The following SLC7A14 variants were observed in gnomAD, a reference collection of about 807,000 sequenced individuals.
SLC7A14 encodes gamma-aminobutyric acid transporter SLC7A14.
In SLC7A14, 37 loss-of-function variants were observed where a neutral mutation model predicts 60.2. The ratio of observed to expected loss-of-function variants is 0.61; its 90% CI spans 0.47 to 0.81. The LOEUF (loss-of-function observed/expected upper bound fraction) is 0.81. Among genes scored for constraint, SLC7A14 ranks in the 30% least tolerant of loss-of-function variants. SLC7A14 has a pLI of 0.00. For synonymous variants in SLC7A14, 399 were observed against 395.8 expected (o/e 1.01, Z -0.10); for missense variants, 886 against 982.7 (o/e 0.90, Z 1.32).
chr3:170,510,073 C>T (rs1712920174), intron 2 of SLC7A14, among the ~76,000 whole-genome samples: 1 of 105,926 alleles, frequency 9.4e-6, no homozygotes. Context: ...AAAACTCTGT[C>T]TCAAAAAAAA....
intron 1 of SLC7A14, among the ~76,000 whole-genome samples, chr3:170,541,216 A>G (rs991029514): frequency 6.6e-6 from 1 of 152,262 alleles, no homozygotes; most frequent in Admixed American, 6.5e-5. Flanking sequence ...GAGACAACCT[A>G]CATTTCTCAA....
At chr3:170,483,628 A>G in intron 5 of SLC7A14, 106 bp from the exon 6 acceptor site, 1 of 1,236,520 alleles carries the variant, frequency 8.1e-7, no homozygotes, top group Non-Finnish European at 1.2e-6. Context: ...AGAGGCTTGC[A>G]TGGCAGTTTG....
At position 170,462,868 on chromosome 3, in the gene SLC7A14, G is replaced by A. The variant is rs1043493216; in HGVS notation, c.*4187C>T. ...AACTTTAAAGTGGCTGTTAAATTGT[G>A]TTGCTTGTCCACGTATTAAATGGCT... On this transcript the variant is annotated 3_prime_UTR_variant, in exon 8 of 8. Coordinates refer to ENST00000231706, the MANE Select transcript of SLC7A14 (RefSeq NM_020949.3). 6.6e-6 allele frequency: 1 copy of A among 152,198 alleles called. No individual in the cohort carries two copies. The highest frequency in any genetic ancestry group is 1.5e-5 in the Non-Finnish European group (1 of 68,036). The allele number at this position is 152,198 out of a possible 1,614,324, so 9.4% of individuals were successfully genotyped here.
chr3:170,472,645 T>A (rs1426034563), intron 7 of SLC7A14, among the ~76,000 whole-genome samples: 1 of 150,610 alleles, frequency 6.6e-6, no homozygotes, highest in East Asian at 2.0e-4. Flanking sequence ...TGGGCACCTG[T>A]AGTCCCAGCT....
intron 7 of SLC7A14, among the ~76,000 whole-genome samples, chr3:170,477,362 T>C (rs1667022279): frequency 1.3e-5 from 2 of 152,242 alleles, no homozygotes; most frequent in Admixed American, 6.5e-5. Context: ...ATTTTTAGTA[T>C]ATAACCATTT....
At chr3:170,474,235 C>A (rs1711543238) in intron 7 of SLC7A14, among the ~76,000 whole-genome samples, 1 of 152,186 alleles carries the variant, frequency 6.6e-6, no homozygotes. Flanking sequence ...GGCAAACATC[C>A]CCTCTGTTGT....
chr3:170,557,953 G>C (rs1714534273), intron 1 of SLC7A14, among the ~76,000 whole-genome samples: 1 of 152,160 alleles, frequency 6.6e-6, no homozygotes, highest in Admixed American at 6.5e-5. Flanking sequence ...ACTATATTTA[G>C]GCTGATTGGT....
intron 7 of SLC7A14, among the ~76,000 whole-genome samples, chr3:170,476,144 A>G (rs1386586062): frequency 6.6e-6 from 1 of 152,216 alleles, no homozygotes; most frequent in Non-Finnish European, 1.5e-5. Flanking sequence ...CTTAAAAAAT[A>G]TTCCTCAATA....
At chr3:170,568,923 G>C (rs1714868294) in intron 1 of SLC7A14, among the ~76,000 whole-genome samples, 1 of 152,180 alleles carries the variant, frequency 6.6e-6, no homozygotes, top group Non-Finnish European at 1.5e-5. Flanking sequence ...GAGACAGTGG[G>C]ATTTTCTAGA....
At chr3:170,496,900 C>T (rs1712416532) in intron 4 of SLC7A14, among the ~76,000 whole-genome samples, 2 of 151,962 alleles carry the variant, frequency 1.3e-5, no homozygotes, top group Non-Finnish European at 2.9e-5. Flanking sequence ...TGCGGCAGTC[C>T]CTCCCAGCCT....
intron 4 of SLC7A14, among the ~76,000 whole-genome samples, chr3:170,494,640 G>A (rs57378452): frequency 0.019 from 2,962 of 152,308 alleles, 99 homozygotes; most frequent in African/African-American, 0.066. Context: ...AGTGTGTGCC[G>A]TTTGGGTGAG....
At position 170,466,074 on chromosome 3, in the gene SLC7A14, A is replaced by T. The variant is rs1184245252; in HGVS notation, c.*981T>A. The T allele has an allele frequency of 6.6e-6, 1 of 152,220 alleles. No homozygotes were observed. The highest frequency in any genetic ancestry group is 1.5e-5 in the Non-Finnish European group (1 of 68,048). The allele number at this position is 152,220 out of a possible 1,614,324, so 9.4% of individuals were successfully genotyped here. Reference sequence around the variant, plus strand: ...GTTTTCAGAGTAGCACACACCAATCAAGTGGTTGCCTATCTCAAAAACTTT... The same window carrying T: ...GTTTTCAGAGTAGCACACACCAATCTAGTGGTTGCCTATCTCAAAAACTTT... On this transcript the variant is annotated 3_prime_UTR_variant, in exon 8 of 8. Coordinates refer to ENST00000231706, the MANE Select transcript of SLC7A14 (RefSeq NM_020949.3).
At chr3:170,578,118 G>T (rs1021933155) in intron 1 of SLC7A14, among the ~76,000 whole-genome samples, 1 of 152,200 alleles carries the variant, frequency 6.6e-6, no homozygotes, top group African/African-American at 2.4e-5. Context: ...GACCTTTATA[G>T]CATTAGAAGG....
At chr3:170,495,099 G>T (rs1254705236) in intron 4 of SLC7A14, among the ~76,000 whole-genome samples, 1 of 152,172 alleles carries the variant, frequency 6.6e-6, no homozygotes, top group Non-Finnish European at 1.5e-5. Flanking sequence ...AACTTAACAG[G>T]TAGTCAATAA....
chr3:170,474,983 C>T (rs74764113), intron 7 of SLC7A14, among the ~76,000 whole-genome samples: 3,326 of 152,342 alleles, frequency 0.022, 60 homozygotes, highest in Non-Finnish European at 0.03. Context: ...GCAGCATTCT[C>T]ACTGAGCCCC....
In SLC7A14 at chr3:170,585,477, G is replaced by A. The variant is rs1044254806; in HGVS notation, c.-153+434C>T. On this transcript the variant is annotated intron_variant, in intron 1 of 7. Coordinates refer to ENST00000231706, the MANE Select transcript of SLC7A14 (RefSeq NM_020949.3). The surrounding 1 kb of genome is among the most constrained non-coding windows in gnomAD (Gnocchi z 5.1). ...ATGGTCTCGGTCCGAGGCGGAGAAC[G>A]GAGCTGCCCGTGCGGGGTGCGCGCC... 6.6e-6 allele frequency among the ~76,000 whole-genome samples: 1 copy of A among 152,204 alleles called. No homozygotes were observed. Among genetic ancestry groups the A allele is most frequent in the Non-Finnish European group, 1.5e-5 (1 of 68,026 alleles).
At chr3:170,493,644 G>A (rs1303577774) in intron 4 of SLC7A14, among the ~76,000 whole-genome samples, 1 of 152,210 alleles carries the variant, frequency 6.6e-6, no homozygotes, top group Non-Finnish European at 1.5e-5. Flanking sequence ...AGCGAGGAAT[G>A]TGTGTATTAC....
At chr3:170,562,946 G>A (rs1435366771) in intron 1 of SLC7A14, among the ~76,000 whole-genome samples, 1 of 152,018 alleles carries the variant, frequency 6.6e-6, no homozygotes, top group Non-Finnish European at 1.5e-5. Context: ...TTTTTTAGTA[G>A]AGATGGGGTT....
At chr3:170,477,154 G>A (rs1711644515) in intron 7 of SLC7A14, among the ~76,000 whole-genome samples, 1 of 152,196 alleles carries the variant, frequency 6.6e-6, no homozygotes, top group South Asian at 2.1e-4. Flanking sequence ...ACCCTGGTGG[G>A]GTAGTAGGAG....
Sources: gnomAD v4.1 joint callset for allele counts (sites outside exome capture counted in the v4.1 genomes callset) on GRCh38, gnomAD v4.1.1 for gene constraint, Gnocchi (gnomAD v3.1) non-coding constraint, MANE v1.5 for transcripts, NCBI Gene and HGNC (gene_info 2026-07-23, HGNC 2026-07-21) for gene names.